Variants in RAD51B observed in about 807,000 individuals in gnomAD.
The protein encoded by RAD51B is RAD51 paralog B.
RAD51B carries 38 observed loss-of-function variants against 42.2 expected under a neutral mutation model. That is an observed-to-expected ratio of 0.90 (90% CI 0.70 to 1.18). RAD51B has a LOEUF of 1.18. RAD51B is among the 50% of genes most tolerant of loss of function. The pLI is 0.00. For missense variants in RAD51B, 373 were observed against 400.7 expected, an observed-to-expected ratio of 0.93 and a Z score of 0.59; for synonymous variants, 154 against 145.2, an observed-to-expected ratio of 1.06 and a Z score of -0.43.
At chr14:68,108,264 C>G (rs1228871127) in intron 7 of RAD51B, among the ~76,000 whole-genome samples, 1 of 151,802 alleles carries the variant, frequency 6.6e-6, no homozygotes, top group East Asian at 1.9e-4. Flanking sequence ...CAATTCCACA[C>G]CTAGGTATAT....
intron 7 of RAD51B, among the ~76,000 whole-genome samples, chr14:68,015,561 T>A (rs2075765196): frequency 1.3e-5 from 2 of 152,108 alleles, no homozygotes; most frequent in South Asian, 4.1e-4. Flanking sequence ...AGAGGGCGCG[T>A]ACAGAAGAAC....
At chr14:68,038,626 A>G (rs181900124) in intron 7 of RAD51B, among the ~76,000 whole-genome samples, 1 of 152,330 alleles carries the variant, frequency 6.6e-6, no homozygotes, top group East Asian at 1.9e-4. Flanking sequence ...ACATTTATGC[A>G]AGAATTTTTT....
intron 4 of RAD51B, among the ~76,000 whole-genome samples, chr14:67,859,601 G>T (rs2042099856): frequency 6.6e-6 from 1 of 152,180 alleles, no homozygotes; most frequent in African/African-American, 2.4e-5. Flanking sequence ...GGGACAGGAA[G>T]TTAAACTGAC....
At chr14:68,054,845 C>A (rs984177703) in intron 7 of RAD51B, among the ~76,000 whole-genome samples, 2 of 152,060 alleles carry the variant, frequency 1.3e-5, no homozygotes, top group Admixed American at 6.6e-5. Flanking sequence ...TGGTGGGGGG[C>A]GGTTGGTCTT....
chr14:68,680,384 T>C (rs955298782), intron 11 of RAD51B, among the ~76,000 whole-genome samples: 5 of 152,336 alleles, frequency 3.3e-5, no homozygotes, highest in Non-Finnish European at 5.9e-5. Context: ...CTCAAGCACA[T>C]AGATGATAGT....
chr14:67,840,693 T>C (rs2041396452), intron 4 of RAD51B, among the ~76,000 whole-genome samples: 1 of 152,192 alleles, frequency 6.6e-6, no homozygotes, highest in Admixed American at 6.5e-5. Context: ...TTTAAGTTCT[T>C]TGGGAGATCT....
intron 9 of RAD51B, among the ~76,000 whole-genome samples, chr14:68,459,259 G>T (rs137883181): frequency 2.0e-5 from 3 of 152,328 alleles, no homozygotes; most frequent in East Asian, 3.9e-4. Flanking sequence ...GTTATCAAAA[G>T]CCTGTTGAAT....
At chr14:68,399,728 A>G (rs546993995) in intron 8 of RAD51B, among the ~76,000 whole-genome samples, 1 of 152,296 alleles carries the variant, frequency 6.6e-6, no homozygotes, top group East Asian at 1.9e-4. Flanking sequence ...TTTATCTCTT[A>G]AGAACAAGAA....
intron 7 of RAD51B, among the ~76,000 whole-genome samples, chr14:68,082,509 G>GTATA (rs2076927432): frequency 6.6e-6 from 1 of 151,782 alleles, no homozygotes; most frequent in South Asian, 2.1e-4. Flanking sequence ...ATGTATGTAT[G>GTATA]TATGTATATG....
At chr14:68,568,358 G>C (rs182401984) in intron 10 of RAD51B, among the ~76,000 whole-genome samples, 5 of 152,244 alleles carry the variant, frequency 3.3e-5, no homozygotes, top group Admixed American at 1.3e-4. Context: ...GAAAATACAT[G>C]GTACATTTCA....
At chr14:68,538,678 C>T (rs1256925705) in intron 10 of RAD51B, among the ~76,000 whole-genome samples, 62 of 150,864 alleles carry the variant, frequency 4.1e-4, no homozygotes. Context: ...CTAACACTAA[C>T]AATTGGGAGA....
intron 5 of RAD51B, among the ~76,000 whole-genome samples, chr14:67,876,430 C>T (rs569197477): frequency 6.6e-6 from 1 of 152,210 alleles, no homozygotes; most frequent in Non-Finnish European, 1.5e-5. Flanking sequence ...GGGTTTTGCT[C>T]CTTAATTGAC....
At chr14:68,340,517 C>T (rs1487736246) in intron 8 of RAD51B, among the ~76,000 whole-genome samples, 6 of 152,206 alleles carry the variant, frequency 3.9e-5, no homozygotes, top group Admixed American at 1.3e-4. Flanking sequence ...CCTTTGCTAG[C>T]CATGCTTTTC....
intron 7 of RAD51B, among the ~76,000 whole-genome samples, chr14:68,171,683 T>C (rs1392255289): frequency 6.6e-6 from 1 of 152,088 alleles, no homozygotes; most frequent in African/African-American, 2.4e-5. Context: ...AGTGATTACC[T>C]TTCATCTTGT....
At chr14:68,394,121 C>T (rs1034850626) in intron 8 of RAD51B, among the ~76,000 whole-genome samples, 2 of 152,102 alleles carry the variant, frequency 1.3e-5, no homozygotes, top group East Asian at 3.8e-4. Flanking sequence ...GTCAAGATGT[C>T]ATTTGGAATG....
At chr14:68,479,235 C>T (rs2140258774), downstream of RAD51B, among the ~76,000 whole-genome samples, 1 of 152,288 alleles carries the variant, frequency 6.6e-6, no homozygotes, top group African/African-American at 2.4e-5. Context: ...AGGAAATATA[C>T]ATTTCCTGTG....
chr14:67,896,888 A>T (rs938442232), intron 7 of RAD51B, among the ~76,000 whole-genome samples: 41 of 152,324 alleles, frequency 2.7e-4, no homozygotes, highest in African/African-American at 9.6e-4. Context: ...ATACTAGCAT[A>T]AAACAGATAT....
chr14:68,281,977 C>CTT (rs767661358), intron 7 of RAD51B, among the ~76,000 whole-genome samples: 5 of 140,856 alleles, frequency 3.5e-5, no homozygotes, highest in Non-Finnish European at 4.7e-5. Flanking sequence ...CCAGGACATC[C>CTT]TTTTTTTTTT....
intron 7 of RAD51B, among the ~76,000 whole-genome samples, chr14:67,998,075 G>A (rs1227103773): frequency 6.6e-6 from 1 of 152,162 alleles, no homozygotes; most frequent in Non-Finnish European, 1.5e-5. Flanking sequence ...TCAAAGTGTG[G>A]TACCTGGACC....
Sources: gnomAD v4.1 joint callset for allele counts (sites outside exome capture counted in the v4.1 genomes callset) on GRCh38, gnomAD v4.1.1 for gene constraint, MANE v1.5 for transcripts, NCBI Gene and HGNC (gene_info 2026-07-23, HGNC 2026-07-21) for gene names.